SLC22A2: variants seen among roughly 807,000 people sequenced by gnomAD.
The protein encoded by SLC22A2 is organic cation transporter 2.
SLC22A2 carries 46 observed loss-of-function variants against 60.5 expected under a neutral mutation model. That is an observed-to-expected ratio of 0.76 (90% CI 0.60 to 0.97). SLC22A2 has a LOEUF of 0.97. SLC22A2 is among the 50% of genes least tolerant of loss of function. The pLI, the probability that SLC22A2 is intolerant of heterozygous loss-of-function variation, is 0.00. For synonymous variants in SLC22A2, 303 were observed against 267.0 expected, an observed-to-expected ratio of 1.13 and a Z score of -1.31; for missense variants, 701 against 706.6, an observed-to-expected ratio of 0.99 and a Z score of 0.09.
intron 9 of SLC22A2, among the ~76,000 whole-genome samples, chr6:160,237,871 G>A (rs577186839): frequency 6.6e-6 from 1 of 152,280 alleles, no homozygotes; most frequent in East Asian, 1.9e-4. Context: ...CCAAAACCAA[G>A]ATGGCAATGA....
At chr6:160,224,450 A>G (rs1782691657) in intron 10 of SLC22A2, among the ~76,000 whole-genome samples, 1 of 152,178 alleles carries the variant, frequency 6.6e-6, no homozygotes, top group Non-Finnish European at 1.5e-5. Flanking sequence ...AAACATATTG[A>G]CCTTTCTTCT....
At chr6:160,238,284 C>A (rs1782944171) in intron 9 of SLC22A2, among the ~76,000 whole-genome samples, 1 of 152,132 alleles carries the variant, frequency 6.6e-6, no homozygotes. Context: ...GTGCCTGGCA[C>A]ATGGTATATA....
intron 4 of SLC22A2, among the ~76,000 whole-genome samples, chr6:160,248,984 G>C (rs1213415569): frequency 6.6e-6 from 1 of 152,198 alleles, no homozygotes; most frequent in Non-Finnish European, 1.5e-5. Flanking sequence ...GGAAATGTAA[G>C]ATCCAAGTCA....
rs1783047784 is a variant in SLC22A2, at chr6:160,243,674, T to C, written c.1177A>G (p.Met393Val). 1 of 1,614,030 alleles carries C rather than the reference T, an allele frequency of 6.2e-7. No homozygotes were observed. The highest frequency in any genetic ancestry group is 8.5e-7 in the Non-Finnish European group (1 of 1,179,952). ...ATGCGGTCGATGGTGAGGATGATCA[T>C]GAAGGCAGCTGGGAATTCAACCAGG... ...SALVEFPAAF[M>V]IILTIDRIGR... The change falls in exon 7 of 11, where the codon ATG becomes GTG. Residue 393 changes from methionine (M) to valine (V), a missense_variant. By Grantham distance (21) the Met-to-Val change is conservative. Coordinates refer to ENST00000366953, the MANE Select transcript of SLC22A2 (RefSeq NM_003058.4).
intron 2 of SLC22A2, among the ~76,000 whole-genome samples, chr6:160,252,608 C>T (rs1400552308): frequency 6.6e-6 from 1 of 152,178 alleles, no homozygotes; most frequent in Non-Finnish European, 1.5e-5. Context: ...ACTCCCCATA[C>T]TGCTGGCTTG....
At position 160,226,845 on chromosome 6, in the gene SLC22A2, G is replaced by A. The variant is rs76927070; in HGVS notation, c.1502-2041C>T. Among the ~76,000 whole-genome samples, 1,127 of 152,096 alleles carry A rather than the reference G, an allele frequency of 7.4e-3. 20 individuals are homozygous for A. Among genetic ancestry groups the A allele is most frequent in the African/African-American group, 0.026 (1,085 of 41,496 alleles). On this transcript the variant is annotated intron_variant, in intron 9 of 10. Coordinates refer to ENST00000366953, the MANE Select transcript of SLC22A2 (RefSeq NM_003058.4). ...CCCCACCCCTTCCCATTCAAGCCCTGATGGAAAGGGGTGGGGGTCAGACAT... is the reference window on the plus strand; with the variant it reads ...CCCCACCCCTTCCCATTCAAGCCCTAATGGAAAGGGGTGGGGGTCAGACAT...
At chr6:160,242,199 T>C in intron 8 of SLC22A2, 95 bp downstream of exon 8, 3 of 794,880 alleles carry the variant, frequency 3.8e-6, no homozygotes. Context: ...CACTGTGTTT[T>C]GAAGGTAAGA....
intron 10 of SLC22A2, among the ~76,000 whole-genome samples, chr6:160,219,179 A>ACAT (rs1244560834): frequency 0.086 from 621 of 7,252 alleles, 12 homozygotes; most frequent in African/African-American, 0.2. Flanking sequence ...ATCAGCAACA[A>ACAT]CAGCAGCAAC....
At chr6:160,252,079 G>C (rs1359975584) in intron 2 of SLC22A2, among the ~76,000 whole-genome samples, 10 of 152,102 alleles carry the variant, frequency 6.6e-5, no homozygotes, top group Non-Finnish European at 1.5e-5. Context: ...CATCACCTAG[G>C]TAACGATGTA....
intron 9 of SLC22A2, among the ~76,000 whole-genome samples, chr6:160,236,440 T>C (rs1304048376): frequency 6.6e-6 from 1 of 152,244 alleles, no homozygotes; most frequent in Non-Finnish European, 1.5e-5. Context: ...AGTATATTCC[T>C]GTGAAAAACT....
intron 9 of SLC22A2, among the ~76,000 whole-genome samples, chr6:160,228,194 G>T (rs1464231682): frequency 6.6e-6 from 1 of 152,170 alleles, no homozygotes; most frequent in African/African-American, 2.4e-5. Flanking sequence ...GTCTGGATCG[G>T]ACACCTTTCC....
chr6:160,233,334 C>A (rs745403338), intron 9 of SLC22A2, among the ~76,000 whole-genome samples: 1 of 151,842 alleles, frequency 6.6e-6, no homozygotes, highest in Non-Finnish European at 1.5e-5. Context: ...TGATAACGGA[C>A]CAGCCTTTAT....
At chr6:160,235,581 T>C (rs1207757291) in intron 9 of SLC22A2, among the ~76,000 whole-genome samples, 1 of 150,550 alleles carries the variant, frequency 6.6e-6, no homozygotes, top group Non-Finnish European at 1.5e-5. Context: ...GAAAAATTAA[T>C]CATGTAAAAG....
intron 9 of SLC22A2, 108 bp from the exon 10 acceptor site, chr6:160,224,912 CT>C: frequency 1.9e-6 from 1 of 535,306 alleles, no homozygotes; most frequent in South Asian, 3.9e-5. Context: ...TTTTTCTATA[CT>C]TATTTACAGA....
At chr6:160,248,610 T>A (rs2114868107) in intron 4 of SLC22A2, among the ~76,000 whole-genome samples, 1 of 152,350 alleles carries the variant, frequency 6.6e-6, no homozygotes, top group African/African-American at 2.4e-5. Flanking sequence ...TTGCTTTATT[T>A]CAGATAATCT....
chr6:160,244,185 A>G (rs1783056176), intron 6 of SLC22A2: 1 of 173,942 alleles, frequency 5.7e-6, no homozygotes, highest in East Asian at 1.5e-4. Flanking sequence ...TTCAGTTTCA[A>G]GTTATTCCCC....
chr6:160,242,460 G>T, intron 7 of SLC22A2, 58 bp from the exon 8 acceptor site: 1 of 971,874 alleles, frequency 1.0e-6, no homozygotes, highest in Non-Finnish European at 1.7e-6. Context: ...TCTTCAGACA[G>T]TGCTCCAGAG....
intron 5 of SLC22A2, 149 bp from the exon 6 acceptor site, chr6:160,245,694 ATTTTTT>A (rs11422120): frequency 6.7e-5 from 11 of 163,914 alleles, no homozygotes; most frequent in South Asian, 2.8e-4. Context: ...GTCCCATTTC[ATTTTTT>A]TTTTTTTTTT....
intron 9 of SLC22A2, among the ~76,000 whole-genome samples, chr6:160,225,209 T>C (rs1271420224): frequency 2.0e-5 from 3 of 152,180 alleles, no homozygotes; most frequent in Admixed American, 6.5e-5. Context: ...ATAAAAGTAA[T>C]GAATTATGTA....
Sources: allele counts gnomAD v4.1 joint callset (sites outside exome capture counted in the v4.1 genomes callset), GRCh38; gene constraint gnomAD v4.1.1; transcripts MANE v1.5; gene names NCBI Gene and HGNC (gene_info 2026-07-23, HGNC 2026-07-21).